The following SEMA5A variants were observed in gnomAD, a reference collection of about 807,000 sequenced individuals.
SEMA5A encodes semaphorin-5A.
Under a neutral mutation model 135.5 loss-of-function variants are expected in SEMA5A, and 55 were observed. The ratio of observed to expected loss-of-function variants is 0.41; its 90% CI spans 0.33 to 0.51. The LOEUF (loss-of-function observed/expected upper bound fraction) is 0.51. Ranked by LOEUF, SEMA5A falls within the 20% of genes least tolerant of loss-of-function variation. The pLI is 0.37. For missense variants in SEMA5A, 1,290 were observed against 1,419.9 expected, an observed-to-expected ratio of 0.91 and a Z score of 1.47; for synonymous variants, 580 against 546.5, an observed-to-expected ratio of 1.06 and a Z score of -0.85.
intron 5 of SEMA5A, among the ~76,000 whole-genome samples, chr5:9,262,759 G>T (rs1402838581): frequency 2.0e-5 from 2 of 101,972 alleles, no homozygotes; most frequent in Non-Finnish European, 3.9e-5. Context: ...GGTCGGGGGA[G>T]GGGGGAGGGA....
chr5:9,065,371 A>G (rs1737408641), intron 17 of SEMA5A, among the ~76,000 whole-genome samples: 1 of 152,152 alleles, frequency 6.6e-6, no homozygotes, highest in Non-Finnish European at 1.5e-5. Flanking sequence ...TCCCTGTGGC[A>G]ACACCAAGGA....
chr5:9,337,632 T>C (rs1753450489), intron 4 of SEMA5A, 81 bp downstream of exon 4: 1 of 835,834 alleles, frequency 1.2e-6, no homozygotes, highest in South Asian at 1.6e-5. Flanking sequence ...TTCAGTTTTG[T>C]CAGTGAAGGT....
chr5:9,501,333 A>G (rs901159674), intron 1 of SEMA5A, among the ~76,000 whole-genome samples: 19 of 152,234 alleles, frequency 1.2e-4, no homozygotes, highest in African/African-American at 4.3e-4. Flanking sequence ...TAAATTGCCA[A>G]TGAATTACCT....
chr5:9,491,357 C>A (rs1475012817), intron 1 of SEMA5A, among the ~76,000 whole-genome samples: 2 of 152,112 alleles, frequency 1.3e-5, no homozygotes, highest in African/African-American at 4.8e-5. Flanking sequence ...ATAGAATATA[C>A]AATACCAAGA....
intron 8 of SEMA5A, among the ~76,000 whole-genome samples, chr5:9,221,206 CTTGGACACG>C (rs958833408): frequency 1.9e-4 from 29 of 151,882 alleles, no homozygotes; most frequent in African/African-American, 7.0e-4. Context: ...GGGGAGCATT[CTTGGACACG>C]GCAGAACTAA....
At chr5:9,238,024 T>C (rs1297142141) in intron 5 of SEMA5A, 134 bp from the exon 6 acceptor site, 5 of 718,780 alleles carry the variant, frequency 7.0e-6, no homozygotes, top group East Asian at 5.3e-5. Flanking sequence ...TTCATACTCA[T>C]AGAATTTACA....
chr5:9,141,343 G>C (rs1267648973), intron 12 of SEMA5A, among the ~76,000 whole-genome samples: 5 of 152,106 alleles, frequency 3.3e-5, no homozygotes, highest in African/African-American at 4.8e-5. Flanking sequence ...TTTAATAAAA[G>C]TTTTAGCTTG....
chr5:9,493,297 C>T (rs921484607), intron 1 of SEMA5A, among the ~76,000 whole-genome samples: 1 of 138,812 alleles, frequency 7.2e-6, no homozygotes, highest in Non-Finnish European at 1.6e-5. Flanking sequence ...ATCTATCTAT[C>T]TATATATATA....
At chr5:9,075,707 G>A (rs1458639017) in intron 16 of SEMA5A, among the ~76,000 whole-genome samples, 3 of 152,118 alleles carry the variant, frequency 2.0e-5, no homozygotes, top group African/African-American at 7.2e-5. Context: ...AAGGAAATGA[G>A]GAAATGGGTT....
At chr5:9,116,993 A>G (rs1325128396) in intron 15 of SEMA5A, among the ~76,000 whole-genome samples, 1 of 152,202 alleles carries the variant, frequency 6.6e-6, no homozygotes, top group African/African-American at 2.4e-5. Context: ...AAAAGCTTAA[A>G]TTCTATAAAA....
At chr5:9,421,655 C>A (rs1757473268) in intron 2 of SEMA5A, among the ~76,000 whole-genome samples, 1 of 152,148 alleles carries the variant, frequency 6.6e-6, no homozygotes, top group Non-Finnish European at 1.5e-5. Flanking sequence ...GGGTGAAAGT[C>A]CCCTTTAATC....
chr5:9,134,886 T>C (rs1400469815), intron 13 of SEMA5A, among the ~76,000 whole-genome samples: 2 of 152,198 alleles, frequency 1.3e-5, no homozygotes, highest in Non-Finnish European at 2.9e-5. Context: ...CTTGTGTTCT[T>C]AGTATTTTTC....
chr5:9,148,275 G>A (rs967035000), intron 12 of SEMA5A, among the ~76,000 whole-genome samples: 1 of 152,152 alleles, frequency 6.6e-6, no homozygotes, highest in Admixed American at 6.5e-5. Flanking sequence ...TTATTCAAAA[G>A]GTAGATGATA....
At chr5:9,063,537 A>C (rs1337205395) in intron 17 of SEMA5A, among the ~76,000 whole-genome samples, 1 of 152,088 alleles carries the variant, frequency 6.6e-6, no homozygotes, top group African/African-American at 2.4e-5. Context: ...TAATTCAGAC[A>C]TTTTCTAAAC....
chr5:9,322,141 C>G (rs1450331369), intron 4 of SEMA5A, among the ~76,000 whole-genome samples: 1 of 152,130 alleles, frequency 6.6e-6, no homozygotes, highest in African/African-American at 2.4e-5. Flanking sequence ...AAAAATACGC[C>G]ACTTTCTCAG....
chr5:9,433,440 A>C (rs1757924560), intron 2 of SEMA5A, among the ~76,000 whole-genome samples: 1 of 152,180 alleles, frequency 6.6e-6, no homozygotes, highest in South Asian at 2.1e-4. Context: ...TAGCGGAAAA[A>C]ACAGTGACAA....
At chr5:9,063,301 C>A (rs1305370505) in intron 17 of SEMA5A, among the ~76,000 whole-genome samples, 196 bp from the exon 18 acceptor site, 1 of 152,188 alleles carries the variant, frequency 6.6e-6, no homozygotes, top group African/African-American at 2.4e-5. Context: ...TTGTTTCCTG[C>A]AATTACTATG....
intron 1 of SEMA5A, among the ~76,000 whole-genome samples, chr5:9,461,064 A>T (rs1446169409): frequency 6.6e-6 from 1 of 152,192 alleles, no homozygotes; most frequent in Non-Finnish European, 1.5e-5. Context: ...AGACAGGCTC[A>T]CTGTAATTTA....
intron 1 of SEMA5A, among the ~76,000 whole-genome samples, chr5:9,515,721 T>C (rs1736474189): frequency 1.3e-5 from 2 of 152,190 alleles, no homozygotes; most frequent in African/African-American, 4.8e-5. Context: ...TCCAGCTCCT[T>C]AAGAGCAACT....
Sources: allele counts gnomAD v4.1 joint callset (sites outside exome capture counted in the v4.1 genomes callset), GRCh38; gene constraint gnomAD v4.1.1; transcripts MANE v1.5; gene names NCBI Gene and HGNC (gene_info 2026-07-23, HGNC 2026-07-21).